Variants in TCF20 observed in about 807,000 individuals in gnomAD.
TCF20 encodes transcription factor 20.
In TCF20, 3 loss-of-function variants were observed where a neutral mutation model predicts 148.6. That is an observed-to-expected ratio of 0.02 (90% CI 0.01 to 0.05). The LOEUF is 0.05. Among genes scored for constraint, TCF20 ranks in the 10% least tolerant of loss-of-function variants. The pLI is 1.00. For missense variants in TCF20, 2,350 were observed against 2,429.3 expected (o/e 0.97, Z 0.69); for synonymous variants, 1,049 against 909.5 (o/e 1.15, Z -2.76).
intron 1 of TCF20, among the ~76,000 whole-genome samples, chr22:42,264,995 A>C (rs1012753141): frequency 6.6e-6 from 1 of 152,264 alleles, no homozygotes; most frequent in Admixed American, 6.5e-5. Flanking sequence ...TGCATACTGC[A>C]ATAATGATAT....
At chr22:42,201,673 CAGG>C (rs1938031763) in intron 2 of TCF20, among the ~76,000 whole-genome samples, 3 of 151,932 alleles carry the variant, frequency 2.0e-5, no homozygotes, top group Admixed American at 2.0e-4. Context: ...GAGGCTGAGG[CAGG>C]AGAATTGCTT....
chr22:42,212,762 C>T lies in TCF20; in HGVS notation c.2544G>A (p.Glu848=), dbSNP rs1459197582. Reference sequence around the variant, plus strand: ...CAGGCTCATGTGCTGATGACTGAGGCTCTATTTCAAACTTTCTGGGAATTG... The same window carrying T: ...CAGGCTCATGTGCTGATGACTGAGGTTCTATTTCAAACTTTCTGGGAATTG... ...DYPIPRKFEI[E]PQSSAHEPGG... The change falls in exon 2 of 6, where the codon GAG becomes GAA. Residue 848 remains glutamate (E), a synonymous_variant. Coordinates refer to ENST00000677622, the MANE Select transcript of TCF20 (RefSeq NM_001378418.1). 6.2e-7 allele frequency: 1 copy of T among 1,614,212 alleles called. No homozygotes were observed. Among genetic ancestry groups the T allele is most frequent in the Non-Finnish European group, 8.5e-7 (1 of 1,180,034 alleles).
rs764379021 is a variant in TCF20, at chr22:42,214,340, T to C, written c.966A>G (p.Gln322=). 9.7e-5 allele frequency: 156 copies of C among 1,609,444 alleles called. No individual in the cohort carries two copies. The highest frequency in any genetic ancestry group is 1.3e-4 in the Non-Finnish European group (149 of 1,176,032). Residue 322 remains glutamine (Q), a synonymous_variant, in exon 2 of 6, where the codon CAA becomes CAG. Transcript: ENST00000677622. ...ACTGCATCACATGCTGAGAAGGGTG[T>C]TGTTGTTGCTGCGGTTGCTGCTGCT... The part of the protein sequence containing the change: ...GQQQQQPQQQ[Q]HPSQHVMQYT...
intron 2 of TCF20, among the ~76,000 whole-genome samples, chr22:42,184,234 T>G (rs764359760): frequency 6.6e-6 from 1 of 152,220 alleles, no homozygotes; most frequent in Non-Finnish European, 1.5e-5. Context: ...CAAAGTGACC[T>G]GCTAAAGATC....
chr22:42,343,216 C>T (rs968069255), intron 1 of TCF20, among the ~76,000 whole-genome samples: 1 of 152,110 alleles, frequency 6.6e-6, no homozygotes, highest in African/African-American at 2.4e-5. Context: ...GAGCCATTTG[C>T]CCACTCTTAG....
chr22:42,225,390 G>A (rs559107137), intron 1 of TCF20, among the ~76,000 whole-genome samples: 53 of 151,516 alleles, frequency 3.5e-4, no homozygotes, highest in African/African-American at 1.2e-3. Flanking sequence ...CGAGGCGGGT[G>A]GATCATGAGG....
At chr22:42,242,831 G>A (rs1467455736) in intron 1 of TCF20, among the ~76,000 whole-genome samples, 1 of 152,088 alleles carries the variant, frequency 6.6e-6, no homozygotes, top group Admixed American at 6.6e-5. Context: ...AGGTTGCAGT[G>A]AGTGGAGATC....
At chr22:42,235,034 C>T (rs1351100098) in intron 1 of TCF20, among the ~76,000 whole-genome samples, 3 of 150,640 alleles carry the variant, frequency 2.0e-5, no homozygotes, top group Admixed American at 6.7e-5. Flanking sequence ...CCCACATACT[C>T]GGGAGGCTGA....
At position 42,210,925 on chromosome 22, in the gene TCF20, G is replaced by C. The variant is rs1920943857; in HGVS notation, c.4381C>G (p.Pro1461Ala). The C allele has an allele frequency of 6.2e-7, 1 of 1,614,136 alleles. No homozygotes were observed. The highest frequency in any genetic ancestry group is 8.5e-7 in the Non-Finnish European group (1 of 1,180,032). Residue 1461 changes from proline (P) to alanine (A), a missense_variant, in exon 2 of 6, where the codon CCT becomes GCT. Around this residue, in one of 7 missense-constraint regions of TCF20, gnomAD observed 231 missense variants for 213.7 expected, o/e 1.08. Transcript: ENST00000677622. This position sits in a 1 kb window ranked among gnomAD's most constrained non-coding sequence, Gnocchi z 4.7. ...GAGGTTGTGGATGTCATGGCACCAGGGGGTTCCTTTCCGGCAGTAACTGTT... is the reference window on the plus strand; with the variant it reads ...GAGGTTGTGGATGTCATGGCACCAGCGGGTTCCTTTCCGGCAGTAACTGTT... ...AETVTAGKEPPGAMTSTTSQK... is the reference protein window; with the variant it reads ...AETVTAGKEPAGAMTSTTSQK...
chr22:42,300,445 G>T (rs558822949), intron 1 of TCF20, among the ~76,000 whole-genome samples: 4 of 152,270 alleles, frequency 2.6e-5, no homozygotes, highest in African/African-American at 9.6e-5. Context: ...TCCTGACTGG[G>T]GCCCAGAACC....
chr22:42,175,237 T>A (rs563087380), intron 3 of TCF20, among the ~76,000 whole-genome samples: 2 of 152,280 alleles, frequency 1.3e-5, no homozygotes, highest in East Asian at 3.9e-4. Flanking sequence ...TGCTATGTTA[T>A]CCAGGCTGAA....
intron 1 of TCF20, among the ~76,000 whole-genome samples, chr22:42,223,582 A>G (rs948107211): frequency 6.6e-6 from 1 of 152,034 alleles, no homozygotes; most frequent in Non-Finnish European, 1.5e-5. Flanking sequence ...GAGACTCAGA[A>G]GTTAAACAAG....
intron 3 of TCF20, among the ~76,000 whole-genome samples, chr22:42,175,537 C>T (rs1006401389): frequency 1.3e-5 from 2 of 152,032 alleles, no homozygotes; most frequent in African/African-American, 4.8e-5. Context: ...GACAGGGTTT[C>T]ACCATGTTGG....
intron 1 of TCF20, among the ~76,000 whole-genome samples, chr22:42,335,380 T>C (rs1378077815): frequency 6.6e-6 from 1 of 152,046 alleles, no homozygotes; most frequent in African/African-American, 2.4e-5. Context: ...ACCAGCCACG[T>C]TTTCACCTGT....
intron 1 of TCF20, among the ~76,000 whole-genome samples, chr22:42,341,422 G>T (rs1928166417): frequency 6.6e-6 from 1 of 152,090 alleles, no homozygotes; most frequent in Non-Finnish European, 1.5e-5. Flanking sequence ...CCCGAGACAG[G>T]ACAGGGAGGG....
intron 1 of TCF20, among the ~76,000 whole-genome samples, chr22:42,256,357 T>C (rs1925741670): frequency 1.3e-5 from 2 of 151,948 alleles, no homozygotes; most frequent in South Asian, 2.2e-4. Flanking sequence ...ACAGAAATTT[T>C]CTTTTTTCTT....
chr22:42,235,876 G>GT, intron 1 of TCF20, among the ~76,000 whole-genome samples: 1 of 152,204 alleles, frequency 6.6e-6, no homozygotes, highest in East Asian at 1.9e-4. Context: ...CCTCTCTCAG[G>GT]TAAAAACTTG....
At position 42,338,020 on chromosome 22, in the gene TCF20, C is replaced by G. The variant is rs897480870; in HGVS notation, c.-37+5459G>C. Among the ~76,000 whole-genome samples the G allele has an allele frequency of 9.9e-5, 15 of 152,220 alleles. No individual in the cohort carries two copies. Among genetic ancestry groups the G allele is most frequent in the South Asian group, 2.1e-4 (1 of 4,830 alleles). On this transcript the variant is annotated intron_variant, in intron 1 of 1. Transcript: ENST00000515426. This position sits in a 1 kb window ranked among gnomAD's most constrained non-coding sequence, Gnocchi z 4.0. ...CAGATGGGCCACATGCCCCTTTCTCCACCAGTCACTGTGGCCAGAGGGAGG... is the reference window on the plus strand; with the variant it reads ...CAGATGGGCCACATGCCCCTTTCTCGACCAGTCACTGTGGCCAGAGGGAGG...
intron 1 of TCF20, among the ~76,000 whole-genome samples, chr22:42,298,085 G>A (rs907339404): frequency 1.5e-4 from 23 of 152,238 alleles, no homozygotes; most frequent in African/African-American, 5.5e-4. Context: ...CACATGTCCT[G>A]AGAGGGCCAG....
Sources: gnomAD v4.1 joint callset for allele counts (sites outside exome capture counted in the v4.1 genomes callset) on GRCh38, gnomAD v4.1.1 for gene constraint, gnomAD v4.1.1 regional missense constraint, Gnocchi (gnomAD v3.1) non-coding constraint, MANE v1.5 for transcripts, NCBI Gene and HGNC (gene_info 2026-07-23, HGNC 2026-07-21) for gene names.